Variants in CHIC1 observed in about 807,000 individuals in gnomAD.
CHIC1 encodes the protein cysteine rich hydrophobic domain 1.
A neutral mutation model predicts 18.5 loss-of-function variants in CHIC1; 7 were observed. The observed-to-expected ratio is 0.38, with a 90% CI of 0.22 to 0.71. CHIC1 has a LOEUF of 0.71. Ranked by LOEUF, CHIC1 falls within the 30% of genes least tolerant of loss-of-function variation. The pLI is 0.49. For missense variants in CHIC1, 159 were observed against 176.9 expected, an observed-to-expected ratio of 0.90 and a Z score of 0.57; for synonymous variants, 77 against 73.5, an observed-to-expected ratio of 1.05 and a Z score of -0.25.
chrX:73,651,235 T>C, intron 3 of CHIC1, among the ~76,000 whole-genome samples: 1 of 111,477 alleles, frequency 9.0e-6, no homozygotes, highest in Non-Finnish European at 1.9e-5. Context: ...AACATTCACA[T>C]TCTTCACAGA....
At chrX:73,644,320 G>T (rs906479407) in intron 3 of CHIC1, among the ~76,000 whole-genome samples, 13 of 112,395 alleles carry the variant, frequency 1.2e-4, no homozygotes, top group Non-Finnish European at 3.8e-5. Flanking sequence ...AAGTTAGGCT[G>T]CTCGGGGGTC....
chrX:73,650,348 A>G (rs1348896851), intron 3 of CHIC1, among the ~76,000 whole-genome samples: 1 of 111,344 alleles, frequency 9.0e-6, no homozygotes, highest in Non-Finnish European at 1.9e-5. Flanking sequence ...GCAGAACTGA[A>G]GGAGATAGAG....
rs1191291288 is a variant in CHIC1 at position 73,663,184 on chromosome X, G to A, written c.508-16142G>A. 2.7e-5 allele frequency among the ~76,000 whole-genome samples: 3 copies of A among 111,758 alleles called. No individual in the cohort carries two copies. The Admixed American group carries it at 2.8e-4, about 11-fold the overall frequency. On this transcript the variant is annotated intron_variant, in intron 3 of 5. Transcript: ENST00000373502. Reference sequence around the variant, plus strand: ...TTAGCATTGATAGCCCATAGATCATGCAAAAGTCTCCATTTACCGGACTTT... The same window carrying A: ...TTAGCATTGATAGCCCATAGATCATACAAAAGTCTCCATTTACCGGACTTT...
intron 3 of CHIC1, among the ~76,000 whole-genome samples, chrX:73,601,452 G>A (rs1249740129): frequency 1.9e-5 from 2 of 106,250 alleles, no homozygotes; most frequent in Admixed American, 1.0e-4. Flanking sequence ...ACCTGCTCCC[G>A]AATGACTACT....
At chrX:73,628,957 A>G (rs1195340498) in intron 3 of CHIC1, among the ~76,000 whole-genome samples, 1 of 110,915 alleles carries the variant, frequency 9.0e-6, no homozygotes. Context: ...GTAGAGTTCA[A>G]GATTCTCTTT....
chrX:73,677,592 G>A (rs184164201), intron 3 of CHIC1, among the ~76,000 whole-genome samples: 31 of 112,038 alleles, frequency 2.8e-4, no homozygotes, highest in Non-Finnish European at 4.5e-4. Flanking sequence ...TTGGAAAAGC[G>A]CAGTATTTGG....
intron 5 of CHIC1, 127 bp downstream of exon 5, chrX:73,679,840 G>T: frequency 2.8e-6 from 1 of 352,242 alleles, no homozygotes; most frequent in Non-Finnish European, 4.9e-6. Flanking sequence ...TTGAAATATA[G>T]AGGTTTTCTT....
In CHIC1 at chrX:73,620,098, T is replaced by C. The variant is rs192706908; in HGVS notation, c.507+35526T>C. 2.7e-5 allele frequency among the ~76,000 whole-genome samples: 3 copies of C among 112,454 alleles called. No individual in the cohort carries two copies. The Admixed American group carries it at 2.8e-4, about 11-fold the overall frequency. On this transcript the variant is annotated intron_variant, in intron 3 of 5. Transcript: ENST00000373502. ...TATGTGTCACATTTTCCTTATCCAG[T>C]CTATCACTGATGGGCATTTGGGTGG... is the stretch of plus-strand genomic sequence containing the variant.
intron 4 of CHIC1, 35 bp downstream of exon 4, chrX:73,679,417 T>G: frequency 1.1e-6 from 1 of 936,223 alleles, no homozygotes; most frequent in Non-Finnish European, 1.5e-6. Context: ...GCCCCATTCA[T>G]ATATTTGCAG....
At chrX:73,615,930 C>T (rs913830316) in intron 3 of CHIC1, among the ~76,000 whole-genome samples, 5 of 110,997 alleles carry the variant, frequency 4.5e-5, no homozygotes, top group Non-Finnish European at 9.4e-5. Flanking sequence ...GTAGAGGCAG[C>T]TACGTGGTGG....
At chrX:73,602,835 TG>T (rs1476979278) in intron 3 of CHIC1, among the ~76,000 whole-genome samples, 2 of 108,559 alleles carry the variant, frequency 1.8e-5, no homozygotes, top group Non-Finnish European at 3.8e-5. Flanking sequence ...AGATGTGTGG[TG>T]TTTATTTATA....
At chrX:73,670,716 TC>T (rs2058026165) in intron 3 of CHIC1, among the ~76,000 whole-genome samples, 2 of 111,486 alleles carry the variant, frequency 1.8e-5, no homozygotes, top group Admixed American at 1.9e-4. Flanking sequence ...GGTATGTTTT[TC>T]CTTTTTATTT....
At chrX:73,574,536 G>T (rs2057487292) in intron 1 of CHIC1, among the ~76,000 whole-genome samples, 1 of 110,229 alleles carries the variant, frequency 9.1e-6, no homozygotes, top group Non-Finnish European at 1.9e-5. Context: ...GATAGAATTT[G>T]GTTGTGAATC....
intron 3 of CHIC1, among the ~76,000 whole-genome samples, chrX:73,676,946 T>C (rs961551202): frequency 1.2e-4 from 14 of 112,105 alleles, no homozygotes; most frequent in African/African-American, 4.5e-4. Flanking sequence ...GTTTTCCTTC[T>C]AACAGATAGG....
chrX:73,603,690 A>T (rs930581322), intron 3 of CHIC1, among the ~76,000 whole-genome samples: 3 of 108,692 alleles, frequency 2.8e-5, no homozygotes, highest in Non-Finnish European at 3.8e-5. Flanking sequence ...TACCTTGTTT[A>T]TGGAGAGTTT....
intron 3 of CHIC1, among the ~76,000 whole-genome samples, chrX:73,644,271 A>C (rs373629773): frequency 1.8e-5 from 2 of 111,977 alleles, no homozygotes; most frequent in Non-Finnish European, 3.8e-5. Context: ...GTACCCGGCC[A>C]TGTGAGGTGT....
At chrX:73,609,330 G>A (rs192833407) in intron 3 of CHIC1, among the ~76,000 whole-genome samples, 338 of 108,583 alleles carry the variant, frequency 3.1e-3, no homozygotes, top group Non-Finnish European at 5.7e-3. Context: ...TATTAGATTA[G>A]CTGTGTATTT....
rs1278030106 is a variant in CHIC1 at position 73,604,073 on chromosome X, G to A, written c.507+19501G>A. On this transcript the variant is annotated intron_variant, in intron 3 of 5. Coordinates refer to ENST00000373502, the MANE Select transcript of CHIC1 (RefSeq NM_001039840.4). ...TCTGTTGTTTGGAATAATTTCAGAA[G>A]GAATGGTACCAGCTCCTGTTTGTAC... Among the ~76,000 whole-genome samples the A allele has an allele frequency of 3.7e-5, 4 of 108,098 alleles. No homozygotes were observed. The East Asian group carries it at 1.1e-3, about 30-fold the overall frequency. The allele number at this position is 108,098 out of a possible 115,157, so 93.9% of individuals were successfully genotyped here. A position where few individuals can be genotyped will look rare whatever the true frequency, so the allele number is the denominator to read the frequency against.
rs185331608 is a variant in CHIC1, at chrX:73,603,712, G to C, written c.507+19140G>C. The stretch of plus-strand genomic sequence containing the variant: ...TTTATGGAGAGTTTTTAGCATGAAG[G>C]GTTGTTGAATTTTATCAAAGGCCTT... On this transcript the variant is annotated intron_variant, in intron 3 of 5. Transcript: ENST00000373502. Among the ~76,000 whole-genome samples the C allele has an allele frequency of 8.8e-4, 95 of 108,536 alleles. 3 individuals carry two copies. Among genetic ancestry groups the C allele is most frequent in the South Asian group, 7.9e-3 (21 of 2,652 alleles). 94.3% of individuals were successfully genotyped at this position (108,536 alleles called of 115,157 possible).
Sources: gnomAD v4.1 joint callset for allele counts (sites outside exome capture counted in the v4.1 genomes callset) on GRCh38, gnomAD v4.1.1 for gene constraint, MANE v1.5 for transcripts, NCBI Gene and HGNC (gene_info 2026-07-23, HGNC 2026-07-21) for gene names.